Variants in RIC8B observed in about 807,000 individuals in gnomAD.
The protein encoded by RIC8B is RIC8 guanine nucleotide exchange factor B, also known as chaperone Ric-8B.
Under a neutral mutation model 57.5 loss-of-function variants are expected in RIC8B, and 16 were observed. That is an observed-to-expected ratio of 0.28 (90% CI 0.19 to 0.42). The LOEUF is 0.42. Among genes scored for constraint, RIC8B ranks in the 10% least tolerant of loss-of-function variants. The probability of loss-of-function intolerance (pLI) is 1.00; values close to 1 mark genes in which losing one functional copy is unlikely to be tolerated. For missense variants in RIC8B, 481 were observed against 677.0 expected (o/e 0.71, Z 3.21); for synonymous variants, 216 against 250.8 (o/e 0.86, Z 1.31).
At chr12:106,827,000 A>C (rs2046133340) in intron 4 of RIC8B, among the ~76,000 whole-genome samples, 1 of 152,106 alleles carries the variant, frequency 6.6e-6, no homozygotes, top group African/African-American at 2.4e-5. Context: ...CTTGAACCTC[A>C]GGAGGTGAAG....
Position 106,842,780 on chromosome 12 carries a change from A to G in RIC8B, c.1028A>G (p.His343Arg), listed in dbSNP as rs755223910. 3 of 1,612,950 alleles carry G rather than the reference A, an allele frequency of 1.9e-6. No homozygotes were observed. Among genetic ancestry groups the G allele is most frequent in the Non-Finnish European group, 2.5e-6 (3 of 1,179,000 alleles). The change falls in exon 5 of 10, where the codon CAT (histidine) becomes CGT (arginine). Residue 343 changes from histidine (H) to arginine (R), a missense_variant. This residue lies in a region of RIC8B where 421 missense variants were observed against 560.9 expected (regional missense o/e 0.75). Coordinates refer to ENST00000392837, the MANE Select transcript of RIC8B (RefSeq NM_001330145.2). ...AATGGTATGAATATGGAGGCCATTC[A>G]TGTTTTACTGAATTTTATGGAGAAG... ...VYNGMNMEAI[H>R]VLLNFMEKRI...
intron 4 of RIC8B, among the ~76,000 whole-genome samples, chr12:106,834,898 G>C (rs7138037): frequency 0.18 from 26,344 of 149,740 alleles, 2,689 homozygotes; most frequent in East Asian, 0.31. Context: ...GCAGGAGAAT[G>C]GCGTGAACCT....
chr12:106,865,007 T>C (rs1019837562), intron 8 of RIC8B, among the ~76,000 whole-genome samples: 2 of 152,218 alleles, frequency 1.3e-5, no homozygotes, highest in Admixed American at 1.3e-4. Context: ...CTGAATAATA[T>C]TCCATGTGTG....
chr12:106,815,825 A>G (rs1255884042), intron 3 of RIC8B, among the ~76,000 whole-genome samples: 1 of 152,228 alleles, frequency 6.6e-6, no homozygotes, highest in African/African-American at 2.4e-5. Context: ...TATCAGAGGC[A>G]TAGGACCACA....
At chr12:106,840,092 C>T (rs1245600649) in intron 4 of RIC8B, among the ~76,000 whole-genome samples, 5 of 152,050 alleles carry the variant, frequency 3.3e-5, no homozygotes, top group Non-Finnish European at 7.4e-5. Flanking sequence ...ATAGACTTTA[C>T]AGCCTTGAAA....
chr12:106,807,855 G>C (rs1344563950), intron 2 of RIC8B, among the ~76,000 whole-genome samples: 1 of 152,148 alleles, frequency 6.6e-6, no homozygotes, highest in Non-Finnish European at 1.5e-5. Context: ...GGAGGCCAAG[G>C]CTGGCAGATC....
chr12:106,781,684 A>AC (rs2043769193), intron 1 of RIC8B, among the ~76,000 whole-genome samples: 1 of 152,218 alleles, frequency 6.6e-6, no homozygotes. Context: ...CTTATAACTT[A>AC]CTGAGTGTCT....
In RIC8B at chr12:106,824,218, T is replaced by G. The variant is rs1437659662; in HGVS notation, c.742-1508T>G. 3.9e-5 allele frequency among the ~76,000 whole-genome samples: 6 copies of G among 152,352 alleles called. No individual in the cohort carries two copies. The South Asian group carries it at 1.2e-3, about 32-fold the overall frequency. ...TGTTATATTGAAAGCATTAAAGCAC[T>G]TTTATGCATATCATCTTCTTTAATC... On this transcript the variant is annotated intron_variant, in intron 3 of 9. Coordinates refer to ENST00000392837, the MANE Select transcript of RIC8B (RefSeq NM_001330145.2).
In RIC8B at chr12:106,785,937, C is replaced by T. The variant is rs149828751; in HGVS notation, c.132+1893C>T. Reference sequence around the variant, plus strand: ...CATGATTATAGTCCCCTGTAACACTCCTGGGCTTAAGTGATCCTCCCGCCC... The same window carrying T: ...CATGATTATAGTCCCCTGTAACACTTCTGGGCTTAAGTGATCCTCCCGCCC... On this transcript the variant is annotated intron_variant, in intron 2 of 9. Transcript: ENST00000392837. Among the ~76,000 whole-genome samples the T allele has an allele frequency of 2.6e-3, 393 of 151,546 alleles. 2 individuals are homozygous for T. The highest frequency in any genetic ancestry group is 4.3e-3 in the Non-Finnish European group (289 of 67,874).
At chr12:106,861,950 A>G (rs1593340391) in intron 8 of RIC8B, among the ~76,000 whole-genome samples, 1 of 152,268 alleles carries the variant, frequency 6.6e-6, no homozygotes, top group East Asian at 1.9e-4. Flanking sequence ...TTAGTAGATA[A>G]CTTCTATAAT....
At chr12:106,863,931 C>T (rs561134033) in intron 8 of RIC8B, among the ~76,000 whole-genome samples, 2 of 151,966 alleles carry the variant, frequency 1.3e-5, no homozygotes, top group East Asian at 1.9e-4. Flanking sequence ...TGTTTTATTG[C>T]CTAGATGCAA....
intron 8 of RIC8B, among the ~76,000 whole-genome samples, chr12:106,869,291 G>A (rs1291632685): frequency 6.6e-6 from 1 of 152,090 alleles, no homozygotes; most frequent in African/African-American, 2.4e-5. Context: ...AAATCTAATA[G>A]TAATAGATAA....
chr12:106,778,640 A>G (rs1234947425), intron 1 of RIC8B, among the ~76,000 whole-genome samples: 1 of 152,230 alleles, frequency 6.6e-6, no homozygotes, highest in Non-Finnish European at 1.5e-5. Context: ...TACAGGCTCA[A>G]GGTCACATAG....
chr12:106,855,013 G>A (rs1949655353), intron 7 of RIC8B, among the ~76,000 whole-genome samples: 1 of 152,122 alleles, frequency 6.6e-6, no homozygotes, highest in South Asian at 2.1e-4. Context: ...CTTCTACTAG[G>A]GGCCTAAAAA....
chr12:106,785,611 A>G (rs182886769), intron 2 of RIC8B, among the ~76,000 whole-genome samples: 74 of 152,196 alleles, frequency 4.9e-4, no homozygotes, highest in African/African-American at 1.8e-3. Flanking sequence ...TTTAACTCTG[A>G]CTTTCTTTTG....
chr12:106,803,809 G>GAAAA (rs2044864950), intron 2 of RIC8B, among the ~76,000 whole-genome samples: 1 of 152,124 alleles, frequency 6.6e-6, no homozygotes, highest in Non-Finnish European at 1.5e-5. Flanking sequence ...AGAAAAACAA[G>GAAAA]CCACCTTTAA....
At chr12:106,851,669 A>G in intron 7 of RIC8B, 75 bp downstream of exon 7, 1 of 1,250,664 alleles carries the variant, frequency 8.0e-7, no homozygotes, top group Non-Finnish European at 1.1e-6. Flanking sequence ...TAGTGTTAGT[A>G]CTGGTCGTCT....
intron 9 of RIC8B, among the ~76,000 whole-genome samples, chr12:106,875,856 A>G (rs1950638216): frequency 6.6e-6 from 1 of 152,170 alleles, no homozygotes; most frequent in South Asian, 2.1e-4. Context: ...GGCACCAGAT[A>G]TAGGATTAGT....
At chr12:106,837,304 G>A (rs995649117) in intron 4 of RIC8B, among the ~76,000 whole-genome samples, 1 of 152,038 alleles carries the variant, frequency 6.6e-6, no homozygotes, top group African/African-American at 2.4e-5. Context: ...GGAGGTTGCA[G>A]CGAGCCAAGA....
Sources: gnomAD v4.1 joint callset for allele counts (sites outside exome capture counted in the v4.1 genomes callset) on GRCh38, gnomAD v4.1.1 for gene constraint, gnomAD v4.1.1 regional missense constraint, MANE v1.5 for transcripts, NCBI Gene and HGNC (gene_info 2026-07-23, HGNC 2026-07-21) for gene names.